ZNF516: variants seen among roughly 807,000 people sequenced by gnomAD.
ZNF516 encodes zinc finger protein 516.
A neutral mutation model predicts 79.7 loss-of-function variants in ZNF516; 19 were observed. The observed-to-expected ratio is 0.24, with a 90% CI of 0.17 to 0.35. ZNF516 has a LOEUF of 0.35. Among genes scored for constraint, ZNF516 ranks in the 10% least tolerant of loss-of-function variants. The pLI, the probability that ZNF516 is intolerant of heterozygous loss-of-function variation, is 1.00. For missense variants in ZNF516, 1,678 were observed against 1,679.5 expected (o/e 1.00, Z 0.02); for synonymous variants, 877 against 739.5 (o/e 1.19, Z -3.02).
In ZNF516 at chr18:76,360,759, T is replaced by C. The variant is rs1054638958; in HGVS notation, c.*1739A>G. 3.5e-5 allele frequency: 5 copies of C among 141,302 alleles called. No individual in the cohort carries two copies. Among genetic ancestry groups the C allele is most frequent in the South Asian group, 2.2e-4 (1 of 4,544 alleles). The allele number at this position is 141,302 out of a possible 1,614,324, so 8.8% of individuals were successfully genotyped here. On this transcript the variant is annotated 3_prime_UTR_variant, in exon 7 of 7. Coordinates refer to ENST00000443185, the MANE Select transcript of ZNF516 (RefSeq NM_014643.4). Reference sequence around the variant, plus strand: ...CAAGTAATTTAAACTCAGTAACAAGTAGAATCCAGAACCAAACATTACTAA... The same window carrying C: ...CAAGTAATTTAAACTCAGTAACAAGCAGAATCCAGAACCAAACATTACTAA...
intron 3 of ZNF516, among the ~76,000 whole-genome samples, chr18:76,431,753 C>G (rs1599078230): frequency 6.6e-6 from 1 of 152,334 alleles, no homozygotes; most frequent in South Asian, 2.1e-4. Flanking sequence ...CCACCATGAT[C>G]CTAAGCTTCT....
chr18:76,401,864 C>T (rs9950255), intron 3 of ZNF516, among the ~76,000 whole-genome samples: 3,879 of 4,610 alleles, frequency 0.84, 1,610 homozygotes, highest in African/African-American at 0.86. Flanking sequence ...CCGCGCCGCA[C>T]CCCTCCACTA....
chr18:76,390,639 G>C (rs2075057393), intron 3 of ZNF516, among the ~76,000 whole-genome samples: 1 of 152,192 alleles, frequency 6.6e-6, no homozygotes, highest in Admixed American at 6.5e-5. Flanking sequence ...GGAAACGAGG[G>C]GCACAGAGCA....
chr18:76,406,206 G>C (rs2075303105), intron 3 of ZNF516, among the ~76,000 whole-genome samples: 1 of 152,190 alleles, frequency 6.6e-6, no homozygotes, highest in Non-Finnish European at 1.5e-5. Context: ...TTCACCACCA[G>C]GTGGCGCCTG....
intron 3 of ZNF516, among the ~76,000 whole-genome samples, chr18:76,384,207 C>T (rs1368836752): frequency 2.0e-5 from 3 of 152,068 alleles, no homozygotes; most frequent in African/African-American, 7.2e-5. Flanking sequence ...AATGAGAACT[C>T]CTCAGGACAC....
chr18:76,448,589 A>AG (rs1599108824), intron 2 of ZNF516, among the ~76,000 whole-genome samples: 6 of 152,210 alleles, frequency 3.9e-5, no homozygotes, highest in Admixed American at 1.3e-4. Context: ...TCACAAAGCC[A>AG]GGGGGTATGT....
chr18:76,458,691 G>A (rs983906243), intron 2 of ZNF516, among the ~76,000 whole-genome samples: 7 of 148,500 alleles, frequency 4.7e-5, no homozygotes, highest in African/African-American at 1.5e-4. Flanking sequence ...GTGCCTCACC[G>A]TCGTGTGTGC....
intron 3 of ZNF516, among the ~76,000 whole-genome samples, chr18:76,421,525 C>T (rs1409885220): frequency 2.0e-5 from 3 of 152,178 alleles, no homozygotes; most frequent in African/African-American, 2.4e-5. Context: ...AAGCTGCCAC[C>T]GGGTCCCTCC....
chr18:76,457,989 C>A (rs1038938753), intron 2 of ZNF516, among the ~76,000 whole-genome samples: 6 of 152,194 alleles, frequency 3.9e-5, no homozygotes, highest in African/African-American at 1.2e-4. Flanking sequence ...TACTTTGCAG[C>A]TACTTATTTG....
In ZNF516 at chr18:76,442,361, C is replaced by T. The variant is rs939265113; in HGVS notation, c.694G>A (p.Gly232Ser). Residue 232 changes from glycine (G) to serine (S), a missense_variant, in exon 3 of 7, where the codon GGC becomes AGC. Coordinates refer to ENST00000443185, the MANE Select transcript of ZNF516 (RefSeq NM_014643.4). ...TTGCCGTTCTCCACGCAGGCCTCGC[C>T]GCTGCCGGGCCCCTGCGCGGTGATG... ...DHITAQGPGSGEACVENGKPE... is the reference protein window; with the variant it reads ...DHITAQGPGSSEACVENGKPE... 5.6e-6 allele frequency: 9 copies of T among 1,609,434 alleles called. No homozygotes were observed. Among genetic ancestry groups the T allele is most frequent in the Middle Eastern group, 1.6e-4 (1 of 6,078 alleles).
At chr18:76,369,013 TTGGTGGGTTGA>T (rs1419688436) in intron 6 of ZNF516, among the ~76,000 whole-genome samples, 14 of 152,308 alleles carry the variant, frequency 9.2e-5, no homozygotes, top group Admixed American at 7.8e-4. Context: ...AGCCAGGTCT[TTGGTGGGTTGA>T]ACGGGTCACC....
At position 76,363,099 on chromosome 18, in the gene ZNF516, G is replaced by A. The variant is rs572471277; in HGVS notation, c.3433-542C>T. On this transcript the variant is annotated intron_variant, in intron 6 of 6. Coordinates refer to ENST00000443185, the MANE Select transcript of ZNF516 (RefSeq NM_014643.4). The stretch of plus-strand genomic sequence containing the variant: ...AAACAATTACCAAGTTGGAAAAAGG[G>A]AAGGAGTATTCTAAAGTGAACTGCG... Among the ~76,000 whole-genome samples, 34 of 152,336 alleles carry A rather than the reference G, an allele frequency of 2.2e-4. 1 individual carries two copies. Among genetic ancestry groups the A allele is most frequent in the African/African-American group, 6.5e-4 (27 of 41,574 alleles).
At position 76,473,251 on chromosome 18, in the gene ZNF516, C is replaced by A. The variant is rs1246668861; in HGVS notation, c.-271-10110G>T. Reference sequence around the variant, plus strand: ...TTTTTTCTTTAATTAGGAAAGAAGACCAAGTAAGTCAGTTTCAGAAATAAA... The same window carrying A: ...TTTTTTCTTTAATTAGGAAAGAAGAACAAGTAAGTCAGTTTCAGAAATAAA... On this transcript the variant is annotated intron_variant, in intron 1 of 6. Coordinates refer to ENST00000443185, the MANE Select transcript of ZNF516 (RefSeq NM_014643.4). Among the ~76,000 whole-genome samples the A allele has an allele frequency of 2.7e-5, 4 of 145,932 alleles. 1 individual carries two copies. The East Asian group carries it at 6.0e-4, about 22-fold the overall frequency.
At chr18:76,391,841 C>T (rs1054764052) in intron 3 of ZNF516, among the ~76,000 whole-genome samples, 3 of 152,252 alleles carry the variant, frequency 2.0e-5, no homozygotes, top group African/African-American at 7.2e-5. Flanking sequence ...GCTGTTGTCT[C>T]AGCCTCGCCC....
At position 76,367,795 on chromosome 18, in the gene ZNF516, G is replaced by A. The variant is rs139122841; in HGVS notation, c.3432+2733C>T. 9.5e-3 allele frequency among the ~76,000 whole-genome samples: 1,453 copies of A among 152,312 alleles called. 13 individuals carry two copies. Among genetic ancestry groups the A allele is most frequent in the South Asian group, 0.049 (234 of 4,818 alleles). On this transcript the variant is annotated intron_variant, in intron 6 of 6. Coordinates refer to ENST00000443185, the MANE Select transcript of ZNF516 (RefSeq NM_014643.4). ...CCAGTATCCTGCACAGGCCTGGCAC[G>A]CAGTGGGTGGTCAATAAATATTGTT...
intron 2 of ZNF516, among the ~76,000 whole-genome samples, chr18:76,457,811 T>C (rs1912822289): frequency 6.6e-6 from 1 of 152,208 alleles, no homozygotes; most frequent in African/African-American, 2.4e-5. Context: ...AACATTTTTT[T>C]AAACCCAAGG....
intron 3 of ZNF516, among the ~76,000 whole-genome samples, chr18:76,439,586 A>G (rs2075787478): frequency 2.0e-5 from 3 of 152,226 alleles, no homozygotes; most frequent in African/African-American, 7.2e-5. Context: ...TGAGCCTGAA[A>G]AAAGAGTACC....
rs1309517628 is a variant in ZNF516 at position 76,379,568 on chromosome 18, C to T, written c.2546G>A (p.Ser849Asn). 4 of 1,613,660 alleles carry T rather than the reference C, an allele frequency of 2.5e-6. No individual in the cohort carries two copies. The highest frequency in any genetic ancestry group is 3.4e-6 in the Non-Finnish European group (4 of 1,179,894). The change falls in exon 4 of 7, where the codon AGT becomes AAT. Residue 849 changes from serine to asparagine, a missense_variant. Ser to Asn is a conservative substitution (Grantham distance 46). Transcript: ENST00000443185. Reference protein sequence around the residue: ...QVPGGMPGSKSGSSPLGVVTK... With the variant: ...QVPGGMPGSKNGSSPLGVVTK... ...GACCACTCCCAGGGGAGAAGAGCCACTTTTGGACCCCGGCATCCCCCCTGG... is the reference window on the plus strand; with the variant it reads ...GACCACTCCCAGGGGAGAAGAGCCATTTTTGGACCCCGGCATCCCCCCTGG...
At chr18:76,466,087 C>T (rs1284754015) in intron 1 of ZNF516, among the ~76,000 whole-genome samples, 2 of 152,224 alleles carry the variant, frequency 1.3e-5, no homozygotes, top group Non-Finnish European at 1.5e-5. Flanking sequence ...ACTGTTTCTT[C>T]CCCCTACTTC....
Sources: gnomAD v4.1 joint callset for allele counts (sites outside exome capture counted in the v4.1 genomes callset) on GRCh38, gnomAD v4.1.1 for gene constraint, MANE v1.5 for transcripts, NCBI Gene and HGNC (gene_info 2026-07-23, HGNC 2026-07-21) for gene names.